TMEM117: variants seen among roughly 807,000 people sequenced by gnomAD.
TMEM117 encodes the protein transmembrane protein 117.
A neutral mutation model predicts 52.4 loss-of-function variants in TMEM117; 27 were observed. That is an observed-to-expected ratio of 0.51 (90% confidence interval 0.38 to 0.71). The LOEUF (loss-of-function observed/expected upper bound fraction) is 0.71, where lower values mean the gene tolerates loss of function less well. Among genes scored for constraint, TMEM117 ranks in the 30% least tolerant of loss-of-function variants. TMEM117 has a pLI of 0.00. For missense variants in TMEM117, 556 were observed against 630.5 expected (o/e 0.88, Z 1.26); for synonymous variants, 215 against 206.3 (o/e 1.04, Z -0.36).
intron 3 of TMEM117, among the ~76,000 whole-genome samples, chr12:44,093,453 T>A (rs920273020): frequency 2.0e-5 from 3 of 152,174 alleles, no homozygotes; most frequent in Non-Finnish European, 4.4e-5. Context: ...TGAACAAGAA[T>A]CACAGTGTCC....
At chr12:43,957,290 A>C (rs149183017) in intron 3 of TMEM117, among the ~76,000 whole-genome samples, 1 of 152,144 alleles carries the variant, frequency 6.6e-6, no homozygotes, top group Admixed American at 6.6e-5. Context: ...CATCCTGCAC[A>C]TGTACCCCAG....
intron 5 of TMEM117, among the ~76,000 whole-genome samples, chr12:44,284,567 A>AT: frequency 6.6e-6 from 1 of 152,344 alleles, no homozygotes; most frequent in East Asian, 1.9e-4. Context: ...TAACATGCCC[A>AT]TTAGGTGCAT....
At chr12:43,968,910 T>A (rs1945528835) in intron 3 of TMEM117, among the ~76,000 whole-genome samples, 1 of 152,204 alleles carries the variant, frequency 6.6e-6, no homozygotes, top group Admixed American at 6.5e-5. Flanking sequence ...CACTTAACAC[T>A]TCCTTATGAG....
chr12:44,307,603 A>G (rs1451883938), intron 6 of TMEM117, among the ~76,000 whole-genome samples: 4 of 152,214 alleles, frequency 2.6e-5, no homozygotes, highest in East Asian at 1.9e-4. Flanking sequence ...TTAAATCTCA[A>G]CTTTATTTAC....
At chr12:43,980,833 G>A (rs1436107034) in intron 3 of TMEM117, among the ~76,000 whole-genome samples, 12 of 152,126 alleles carry the variant, frequency 7.9e-5, no homozygotes, top group African/African-American at 2.7e-4. Context: ...CGAAGCCGGC[G>A]ATGCTCACAT....
At chr12:43,824,456 G>A in the TMEM117 span, among the ~76,000 whole-genome samples, 1 of 152,228 alleles carries the variant, frequency 6.6e-6, no homozygotes, top group African/African-American at 2.4e-5. Context: ...AAGAGGACAT[G>A]AGACTTTGGC....
chr12:43,970,368 A>C (rs1945561891), intron 3 of TMEM117, among the ~76,000 whole-genome samples: 2 of 151,806 alleles, frequency 1.3e-5, no homozygotes, highest in South Asian at 2.1e-4. Context: ...GGCTCACTGC[A>C]AGCTCCGCCT....
intron 4 of TMEM117, among the ~76,000 whole-genome samples, chr12:44,188,542 G>A (rs896595268): frequency 2.0e-5 from 3 of 152,102 alleles, no homozygotes; most frequent in African/African-American, 7.2e-5. Flanking sequence ...GAGGTCAGTG[G>A]ATAGATAGAG....
chr12:44,063,029 T>C (rs1382040611), intron 3 of TMEM117, among the ~76,000 whole-genome samples: 1 of 152,218 alleles, frequency 6.6e-6, no homozygotes, highest in Non-Finnish European at 1.5e-5. Flanking sequence ...ATGCACCTGC[T>C]GTACGGAGAC....
intron 4 of TMEM117, among the ~76,000 whole-genome samples, chr12:44,168,331 C>A (rs1422829163): frequency 2.0e-5 from 3 of 151,920 alleles, no homozygotes; most frequent in Non-Finnish European, 4.4e-5. Context: ...TTCCCTCCCC[C>A]AAATATTGTT....
chr12:43,981,453 A>G (rs1443087211), intron 3 of TMEM117, among the ~76,000 whole-genome samples: 2 of 152,226 alleles, frequency 1.3e-5, no homozygotes, highest in African/African-American at 2.4e-5. Context: ...GGGGCTTAAT[A>G]TAAGCAATAA....
At chr12:44,065,932 G>C (rs1947215588) in intron 3 of TMEM117, among the ~76,000 whole-genome samples, 1 of 152,184 alleles carries the variant, frequency 6.6e-6, no homozygotes, top group South Asian at 2.1e-4. Flanking sequence ...AAAAACCTTA[G>C]TTTAAATTTA....
chr12:43,908,930 CAGAT>C (rs1344641270), intron 2 of TMEM117, among the ~76,000 whole-genome samples: 1 of 142,278 alleles, frequency 7.0e-6, no homozygotes, highest in Non-Finnish European at 1.5e-5. Context: ...CAACATTAGA[CAGAT>C]CAACGAGACA....
intron 4 of TMEM117, among the ~76,000 whole-genome samples, chr12:44,162,541 A>T (rs1199410515): frequency 6.6e-6 from 1 of 152,156 alleles, no homozygotes; most frequent in Non-Finnish European, 1.5e-5. Flanking sequence ...CTTGGTTTAG[A>T]AGCTTACATA....
intron 3 of TMEM117, chr12:44,073,894 A>T (rs1027229801): frequency 2.6e-5 from 4 of 152,348 alleles, no homozygotes; most frequent in Admixed American, 6.5e-5. Flanking sequence ...AGTTATTGTG[A>T]TTATTTTAAT....
At chr12:44,115,824 G>C (rs1006470975) in intron 3 of TMEM117, among the ~76,000 whole-genome samples, 1 of 152,172 alleles carries the variant, frequency 6.6e-6, no homozygotes, top group Admixed American at 6.5e-5. Context: ...GTTAAATAGA[G>C]AAATCAGGTC....
At chr12:44,139,815 C>T (rs1230722966) in intron 3 of TMEM117, among the ~76,000 whole-genome samples, 3 of 152,090 alleles carry the variant, frequency 2.0e-5, no homozygotes, top group Non-Finnish European at 4.4e-5. Flanking sequence ...CTCACAATTT[C>T]ACTTTTCTAG....
At chr12:43,958,135 A>G (rs975561822) in intron 3 of TMEM117, among the ~76,000 whole-genome samples, 8 of 152,194 alleles carry the variant, frequency 5.3e-5, no homozygotes, top group African/African-American at 1.9e-4. Flanking sequence ...GGCCCCTTTT[A>G]CTTTATGTTC....
intron 3 of TMEM117, among the ~76,000 whole-genome samples, chr12:44,037,489 T>C (rs947487558): frequency 6.6e-6 from 1 of 152,068 alleles, no homozygotes; most frequent in Non-Finnish European, 1.5e-5. Context: ...ACTGACAACC[T>C]CCTGTCATTG....
Sources: allele counts gnomAD v4.1 joint callset (sites outside exome capture counted in the v4.1 genomes callset), GRCh38; gene constraint gnomAD v4.1.1; transcripts MANE v1.5; gene names NCBI Gene and HGNC (gene_info 2026-07-23, HGNC 2026-07-21).